Variants in NF2 observed in about 807,000 individuals in gnomAD.
The protein encoded by NF2 is NF2, moesin-ezrin-radixin like (MERLIN) tumor suppressor.
Under a neutral mutation model 83.7 loss-of-function variants are expected in NF2, and 8 were observed. The observed-to-expected ratio is 0.10, with a 90% CI of 0.06 to 0.17. The LOEUF (loss-of-function observed/expected upper bound fraction) is 0.17. Ranked by LOEUF, NF2 falls within the 10% of genes least tolerant of loss-of-function variation. The pLI, the probability that NF2 is intolerant of heterozygous loss-of-function variation, is 1.00. For synonymous variants in NF2, 266 were observed against 269.6 expected (o/e 0.99, Z 0.13); for missense variants, 533 against 744.4 (o/e 0.72, Z 3.31).
intron 1 of NF2, among the ~76,000 whole-genome samples, chr22:29,635,174 T>A (rs1388389882): frequency 1.3e-5 from 2 of 152,160 alleles, no homozygotes; most frequent in Non-Finnish European, 2.9e-5. Flanking sequence ...TTGAGTACCT[T>A]GTAGAGAACC....
chr22:29,613,122 C>G (rs2064996434), intron 1 of NF2, among the ~76,000 whole-genome samples: 1 of 151,824 alleles, frequency 6.6e-6, no homozygotes, highest in African/African-American at 2.4e-5. Flanking sequence ...ATTGACAAGT[C>G]AATTCATAAA....
chr22:29,664,979 C>T lies in NF2; in HGVS notation c.811-11C>T. On this transcript the variant is annotated splice_polypyrimidine_tract_variant and intron_variant, in intron 8 of 15. Coordinates refer to ENST00000338641, the MANE Select transcript of NF2 (RefSeq NM_000268.4). ...GTCGGACTGAAACTGTGTTCTGCTT[C>T]ATTCTTCCAGTTTACTATTAAACCA... is the stretch of plus-strand genomic sequence containing the variant. 1 of 1,600,334 alleles carries T rather than the reference C, an allele frequency of 6.2e-7. No individual in the cohort carries two copies. The highest frequency in any genetic ancestry group is 8.6e-7 in the Non-Finnish European group (1 of 1,167,748).
chr22:29,655,716 CTT>C (rs36029478), intron 6 of NF2, 40 bp downstream of exon 6: 108,595 of 1,068,008 alleles, frequency 0.1, no homozygotes, highest in South Asian at 0.13. Context: ...CCTTTATGGG[CTT>C]TTTTTTTTTT....
chr22:29,692,114 G>A (rs2067421717), intron 15 of NF2, among the ~76,000 whole-genome samples: 1 of 152,134 alleles, frequency 6.6e-6, no homozygotes, highest in Admixed American at 6.5e-5. Flanking sequence ...GTGGCCGAAG[G>A]CTCCCAGGGC....
chr22:29,683,235 C>A, intron 15 of NF2: 1 of 1,550,682 alleles, frequency 6.4e-7, no homozygotes, highest in Non-Finnish European at 8.7e-7. Context: ...AGGCACCCAC[C>A]CTGTGAAGCC....
At chr22:29,616,968 G>A (rs1230506822) in intron 1 of NF2, among the ~76,000 whole-genome samples, 3 of 151,456 alleles carry the variant, frequency 2.0e-5, no homozygotes, top group South Asian at 2.1e-4. Flanking sequence ...TCGCTCTGTC[G>A]CCCAGGTTGG....
At position 29,697,014 on chromosome 22, in the gene NF2, G is replaced by A. The variant is rs954614985; in HGVS notation, c.*2212G>A. On this transcript the variant is annotated 3_prime_UTR_variant, in exon 16 of 16. Coordinates refer to ENST00000338641, the MANE Select transcript of NF2 (RefSeq NM_000268.4). ...GTATTTTTAGTAGAGATGGGGTTTC[G>A]CCATGTTAGCCAGACTGGTCTCGAA... 3.3e-5 allele frequency: 6 copies of A among 184,146 alleles called. No homozygotes were observed. Among genetic ancestry groups the A allele is most frequent in the South Asian group, 2.0e-4 (1 of 5,068 alleles). 11.4% of individuals were successfully genotyped at this position (184,146 alleles called of 1,614,324 possible). A position where few individuals can be genotyped will look rare whatever the true frequency, so the allele number is the denominator to read the frequency against.
intron 1 of NF2, chr22:29,609,376 T>A: frequency 1.7e-6 from 1 of 581,122 alleles, no homozygotes; most frequent in South Asian, 1.6e-5. Flanking sequence ...TCCATAGGTG[T>A]GCAGAGGCGA....
chr22:29,610,658 A>G (rs2064928314), intron 1 of NF2, among the ~76,000 whole-genome samples: 1 of 151,558 alleles, frequency 6.6e-6, no homozygotes, highest in Non-Finnish European at 1.5e-5. Context: ...AAAAAAAAAA[A>G]GAAGAAAGAA....
At chr22:29,658,350 C>A in intron 7 of NF2, 86 bp downstream of exon 7, 1 of 1,139,346 alleles carries the variant, frequency 8.8e-7, no homozygotes, top group Non-Finnish European at 1.3e-6. Flanking sequence ...TTCTTCATTC[C>A]AAGGCGATAG....
At chr22:29,606,374 G>T (rs1799558789) in intron 1 of NF2, among the ~76,000 whole-genome samples, 1 of 152,220 alleles carries the variant, frequency 6.6e-6, no homozygotes, top group Non-Finnish European at 1.5e-5. Flanking sequence ...TGCAGGCTGA[G>T]CCTCAGGTTA....
At chr22:29,644,731 C>T (rs2065933301) in intron 4 of NF2, among the ~76,000 whole-genome samples, 2 of 152,218 alleles carry the variant, frequency 1.3e-5, no homozygotes, top group South Asian at 4.1e-4. Context: ...CCGGCCCGGC[C>T]AACACAGCGA....
At chr22:29,688,788 C>T (rs148465307) in intron 15 of NF2, among the ~76,000 whole-genome samples, 201 of 152,346 alleles carry the variant, frequency 1.3e-3, no homozygotes, top group Admixed American at 3.3e-3. Flanking sequence ...CTTGGCCTTT[C>T]GTTCCACCTC....
intron 1 of NF2, among the ~76,000 whole-genome samples, chr22:29,617,758 G>A (rs549990228): frequency 1.3e-5 from 2 of 152,310 alleles, no homozygotes; most frequent in East Asian, 3.9e-4. Context: ...TGAGAATTTT[G>A]TATTAATAAC....
chr22:29,607,379 C>T (rs1009443766), intron 1 of NF2, among the ~76,000 whole-genome samples: 1 of 152,006 alleles, frequency 6.6e-6, no homozygotes, highest in Non-Finnish European at 1.5e-5. Context: ...TAGAAGAGAA[C>T]CCTACCAAAA....
chr22:29,669,672 A>G (rs2066724220), intron 10 of NF2, among the ~76,000 whole-genome samples: 1 of 152,236 alleles, frequency 6.6e-6, no homozygotes. Context: ...GGCAGAGAAT[A>G]GCAGGAACAC....
At chr22:29,641,185 CT>C (rs967764759) in intron 3 of NF2, among the ~76,000 whole-genome samples, 3 of 150,778 alleles carry the variant, frequency 2.0e-5, no homozygotes, top group African/African-American at 4.9e-5. Context: ...TTTTTCCCCC[CT>C]CTCTTTGGAA....
intron 13 of NF2, among the ~76,000 whole-genome samples, chr22:29,676,258 T>C (rs2066961259): frequency 6.6e-6 from 1 of 152,090 alleles, no homozygotes; most frequent in Non-Finnish European, 1.5e-5. Flanking sequence ...ACTGCAACCT[T>C]AGCCTCATAG....
chr22:29,678,217 C>G lies in NF2; in HGVS notation c.1468C>G (p.Pro490Ala), dbSNP rs776076922. ...TYPPMNPIPA[P>A]LPPDIPSFNL... ...ACAGCCCATGAACCCAATTCCAGCA[C>G]CGTTGCCTCCTGACATACCAAGCTT... The change falls in exon 14 of 16, where the codon CCG becomes GCG. Residue 490 changes from proline (P) to alanine (A), a missense_variant. Physicochemically the swap from Pro to Ala is conservative, Grantham distance 27. This residue lies in a region of NF2 where 199 missense variants were observed against 240.7 expected (regional missense o/e 0.83). Coordinates refer to ENST00000338641, the MANE Select transcript of NF2 (RefSeq NM_000268.4). 1 of 1,614,152 alleles carries G rather than the reference C, an allele frequency of 6.2e-7. No homozygotes were observed. Among genetic ancestry groups the G allele is most frequent in the Admixed American group, 1.7e-5 (1 of 60,022 alleles).
Sources: gnomAD v4.1 joint callset for allele counts (sites outside exome capture counted in the v4.1 genomes callset) on GRCh38, gnomAD v4.1.1 for gene constraint, gnomAD v4.1.1 regional missense constraint, MANE v1.5 for transcripts, NCBI Gene and HGNC (gene_info 2026-07-23, HGNC 2026-07-21) for gene names.